Variants in MAL observed in about 807,000 individuals in gnomAD.
MAL encodes myelin and lymphocyte protein.
MAL carries 5 observed loss-of-function variants against 16.7 expected under a neutral mutation model. The observed-to-expected ratio is 0.30, with a 90% CI of 0.16 to 0.63. The LOEUF is 0.63. Among genes scored for constraint, MAL ranks in the 30% least tolerant of loss-of-function variants. The pLI, the probability that MAL is intolerant of heterozygous loss-of-function variation, is 0.82. For synonymous variants in MAL, 96 were observed against 85.5 expected, an observed-to-expected ratio of 1.12 and a Z score of -0.67; for missense variants, 202 against 195.8, an observed-to-expected ratio of 1.03 and a Z score of -0.19.
intron 1 of MAL, among the ~76,000 whole-genome samples, chr2:95,037,385 T>A (rs1674252776): frequency 6.7e-6 from 1 of 149,742 alleles, no homozygotes; most frequent in South Asian, 2.1e-4. Context: ...ACTGAGTGAT[T>A]GACTGAGTGA....
intron 3 of MAL, among the ~76,000 whole-genome samples, chr2:95,050,273 C>T (rs1674689117): frequency 6.6e-6 from 1 of 152,182 alleles, no homozygotes; most frequent in Non-Finnish European, 1.5e-5. Flanking sequence ...GGATTTTCTT[C>T]TTAATGGACT....
At chr2:95,045,148 C>T (rs1279097205) in intron 1 of MAL, among the ~76,000 whole-genome samples, 5 of 152,254 alleles carry the variant, frequency 3.3e-5, no homozygotes, top group African/African-American at 9.6e-5. Context: ...CCTGGCTCCA[C>T]CCTGAGCCCT....
chr2:95,025,932 C>A lies in MAL; in HGVS notation c.93+47C>A, dbSNP rs953604140. The A allele has an allele frequency of 6.8e-6, 10 of 1,475,230 alleles. No individual in the cohort carries two copies. Among genetic ancestry groups the A allele is most frequent in the Non-Finnish European group, 9.1e-6 (10 of 1,094,190 alleles). The allele number at this position is 1,475,230 out of a possible 1,614,324, so 91.4% of individuals were successfully genotyped here. ...AAGGGACGGGGTGGGCTGAGCCGTG[C>A]GCTCTCTCGGGCGCCCAGCACAGCT... On this transcript the variant is annotated intron_variant, in intron 1 of 3. Coordinates refer to ENST00000309988, the MANE Select transcript of MAL (RefSeq NM_002371.4). The surrounding 1 kb of genome is among the most constrained non-coding windows in gnomAD (Gnocchi z 5.6).
chr2:95,030,108 G>A (rs905923073), intron 1 of MAL, among the ~76,000 whole-genome samples: 5 of 152,164 alleles, frequency 3.3e-5, no homozygotes, highest in Admixed American at 3.3e-4. Context: ...TGGAGCAAGT[G>A]AGGGTGGCAG....
chr2:95,042,016 C>T (rs537680794), intron 1 of MAL, among the ~76,000 whole-genome samples: 1 of 152,266 alleles, frequency 6.6e-6, no homozygotes, highest in South Asian at 2.1e-4. Context: ...GCCCATGCAC[C>T]CTCTCAGTCC....
intron 1 of MAL, among the ~76,000 whole-genome samples, chr2:95,028,389 C>T (rs1319407016): frequency 6.6e-6 from 1 of 152,116 alleles, no homozygotes; most frequent in Non-Finnish European, 1.5e-5. Context: ...TGAGATACCA[C>T]TTCACACCCA....
chr2:95,049,980 C>T lies in MAL; in HGVS notation c.387+274C>T, dbSNP rs757635525. ...TGTGTGAGGGGATGCGGCTGCCCAGCGCCCTGTCCGAGTGCTCCCTGAACA... is the reference window on the plus strand; with the variant it reads ...TGTGTGAGGGGATGCGGCTGCCCAGTGCCCTGTCCGAGTGCTCCCTGAACA... On this transcript the variant is annotated intron_variant, in intron 3 of 3. Coordinates refer to ENST00000309988, the MANE Select transcript of MAL (RefSeq NM_002371.4). Among the ~76,000 whole-genome samples, 23 of 152,298 alleles carry T rather than the reference C, an allele frequency of 1.5e-4. 1 individual carries two copies. Among genetic ancestry groups the T allele is most frequent in the Middle Eastern group, 3.4e-3 (1 of 294 alleles).
At chr2:95,030,709 A>G (rs1674057728) in intron 1 of MAL, among the ~76,000 whole-genome samples, 1 of 152,208 alleles carries the variant, frequency 6.6e-6, no homozygotes, top group Non-Finnish European at 1.5e-5. Flanking sequence ...AATGCCGCCC[A>G]GCCCTCCAGG....
chr2:95,049,762 G>T, intron 3 of MAL, 56 bp downstream of exon 3: 1 of 1,607,190 alleles, frequency 6.2e-7, no homozygotes, highest in African/African-American at 1.3e-5. Flanking sequence ...GGCTGGCAGG[G>T]TGTGTGTGGA....
chr2:95,036,942 T>TGAGTGAGTGACTGAGTGACTGAGTGACC (rs1384609434), intron 1 of MAL, among the ~76,000 whole-genome samples: 2 of 151,134 alleles, frequency 1.3e-5, no homozygotes, highest in Admixed American at 6.6e-5. Flanking sequence ...GGTGAGTGAC[T>TGAGTGAGTGACTGAGTGACTGAGTGACC]GAGTGAGTGA....
chr2:95,031,500 G>A (rs1179745993), intron 1 of MAL, among the ~76,000 whole-genome samples: 2 of 152,338 alleles, frequency 1.3e-5, no homozygotes, highest in East Asian at 3.9e-4. Context: ...GACATCTCGA[G>A]GCCAGGCCAC....
chr2:95,051,754 G>A (rs1200251372), intron 3 of MAL: 1 of 152,194 alleles, frequency 6.6e-6, no homozygotes, highest in Non-Finnish European at 1.5e-5. Context: ...GAACCAGAGT[G>A]TTCTCAGCTG....
intron 1 of MAL, among the ~76,000 whole-genome samples, chr2:95,039,535 GGTGA>G (rs1368206315): frequency 7.1e-6 from 1 of 140,804 alleles, no homozygotes; most frequent in African/African-American, 2.7e-5. Context: ...TGACTGAGTG[GGTGA>G]GTGAGTGACT....
At position 95,042,851 on chromosome 2, in the gene MAL, A is replaced by G. The variant is rs925592002; in HGVS notation, c.94-5108A>G. ...CAGCGGGGTCCTGAGGCCAGGCTGG[A>G]ACAGATTGCTCTGTGCCCAGGAGTG... On this transcript the variant is annotated intron_variant, in intron 1 of 3. Coordinates refer to ENST00000309988, the MANE Select transcript of MAL (RefSeq NM_002371.4). Among the ~76,000 whole-genome samples the G allele has an allele frequency of 9.2e-5, 14 of 152,282 alleles. No individual in the cohort carries two copies. In the South Asian group the frequency reaches 1.9e-3, roughly 20 times the overall value.
Position 95,049,600 on chromosome 2 carries a change from C to A in MAL, c.281C>A (p.Thr94Asn), listed in dbSNP as rs1424990134. The A allele has an allele frequency of 1.2e-6, 2 of 1,614,138 alleles. No individual in the cohort carries two copies. Among genetic ancestry groups the A allele is most frequent in the Non-Finnish European group, 1.7e-6 (2 of 1,180,052 alleles). The change falls in exon 3 of 4, where the codon ACC becomes AAC. Residue 94 changes from threonine (T) to asparagine (N), a missense_variant. Thr to Asn is a moderately conservative substitution (Grantham distance 65). Transcript: ENST00000309988. ...CCATAGGACGCAGCCTACCACTGCA[C>A]CGCTGCCCTCTTTTACCTCAGCGCC... Reference protein sequence around the residue: ...WVTLDAAYHCTAALFYLSASV... With the variant: ...WVTLDAAYHCNAALFYLSASV...
At chr2:95,042,730 ACTG>A (rs1401666367) in intron 1 of MAL, among the ~76,000 whole-genome samples, 1 of 152,170 alleles carries the variant, frequency 6.6e-6, no homozygotes, top group Non-Finnish European at 1.5e-5. Flanking sequence ...GCCTCTTTGC[ACTG>A]CCACCTGGAG....
intron 1 of MAL, among the ~76,000 whole-genome samples, chr2:95,042,937 T>C (rs932527883): frequency 3.3e-5 from 5 of 152,208 alleles, no homozygotes; most frequent in Non-Finnish European, 7.3e-5. Flanking sequence ...ATTTAGTAGG[T>C]GGAGCAGGGC....
chr2:95,026,157 G>T (rs530785725), intron 1 of MAL, among the ~76,000 whole-genome samples: 30 of 152,126 alleles, frequency 2.0e-4, no homozygotes, highest in South Asian at 1.0e-3. Flanking sequence ...AGCGGGGCAG[G>T]GGGGGACGGC....
chr2:95,050,055 A>G (rs1305667914), intron 3 of MAL, among the ~76,000 whole-genome samples: 1 of 152,136 alleles, frequency 6.6e-6, no homozygotes, highest in African/African-American at 2.4e-5. Context: ...TATGACACCC[A>G]TCTCACAGAT....
Sources: gnomAD v4.1 joint callset for allele counts (sites outside exome capture counted in the v4.1 genomes callset) on GRCh38, gnomAD v4.1.1 for gene constraint, Gnocchi (gnomAD v3.1) non-coding constraint, MANE v1.5 for transcripts, NCBI Gene and HGNC (gene_info 2026-07-23, HGNC 2026-07-21) for gene names.